Variants in WDR87 observed in about 807,000 individuals in gnomAD.
WDR87 encodes WD repeat domain 87.
WDR87 carries 56 observed loss-of-function variants against 83.3 expected under a neutral mutation model. That is an observed-to-expected ratio of 0.67 (90% confidence interval 0.54 to 0.84). The LOEUF is 0.84. Ranked by LOEUF, WDR87 falls within the 40% of genes least tolerant of loss-of-function variation. The pLI, the probability that WDR87 is intolerant of heterozygous loss-of-function variation, is 0.00. For synonymous variants in WDR87, 1,173 were observed against 1,250.6 expected, an observed-to-expected ratio of 0.94 and a Z score of 1.31; for missense variants, 2,939 against 3,431.9, an observed-to-expected ratio of 0.86 and a Z score of 3.59.
chr19:37,906,661 G>C (rs577849562), upstream of WDR87: 1 of 152,060 alleles, frequency 6.6e-6, no homozygotes, highest in Admixed American at 6.5e-5. Context: ...CCCGAGGCCA[G>C]GGGTCTGAAC....
At chr19:37,900,473 A>G (rs1186018669) in intron 1 of WDR87, among the ~76,000 whole-genome samples, 1 of 147,616 alleles carries the variant, frequency 6.8e-6, no homozygotes, top group Non-Finnish European at 1.5e-5. Context: ...AGGCAGGAGA[A>G]TCGCTTCAAC....
Position 37,892,883 on chromosome 19 carries a change from A to G in WDR87, c.2820T>C (p.Cys940=), listed in dbSNP as rs1179575334. The change falls in exon 4 of 6, where the codon TGT becomes TGC. Residue 940 remains cysteine (C), a synonymous_variant. Coordinates refer to ENST00000447313, the MANE Select transcript of WDR87 (RefSeq NM_001291088.2). ...CAAAGATTTGCCCTAGTGCACCAAC[A>G]CAGCACTGGTACTTCAGCAAGGAAG... ...VHASLLKYQC[C]VGALGQIFAS... 2 of 1,552,034 alleles carry G rather than the reference A, an allele frequency of 1.3e-6. No individual in the cohort carries two copies. The highest frequency in any genetic ancestry group is 3.9e-5 in the Admixed American group (2 of 51,022).
intron 1 of WDR87, among the ~76,000 whole-genome samples, chr19:37,901,868 C>T (rs2046295685): frequency 6.6e-6 from 1 of 151,772 alleles, no homozygotes; most frequent in African/African-American, 2.4e-5. Flanking sequence ...CACACACCCC[C>T]ATGCCTGGCT....
At chr19:37,898,066 C>A in intron 2 of WDR87, 99 bp downstream of exon 2, 1 of 1,417,134 alleles carries the variant, frequency 7.1e-7, no homozygotes, top group Non-Finnish European at 9.6e-7. Context: ...TGTTTGCTTC[C>A]TGTTCTCAAG....
chr19:37,887,553 C>G lies in WDR87; in HGVS notation c.6118G>C (p.Val2040Leu). 6.4e-7 allele frequency: 1 copy of G among 1,551,832 alleles called. No individual in the cohort carries two copies. The highest frequency in any genetic ancestry group is 8.7e-7 in the Non-Finnish European group (1 of 1,147,012). The change falls in exon 6 of 6, where the codon GTT (valine) becomes CTT (leucine). Residue 2040 changes from valine to leucine, a missense_variant. Physicochemically the swap from Val to Leu is conservative, Grantham distance 32 (BLOSUM62 1). Coordinates refer to ENST00000447313, the MANE Select transcript of WDR87 (RefSeq NM_001291088.2). ...TTTCTCTCAAATAGTTCTTGTTCAA[C>G]TTGAGTCATTTTCCTTTGTCTAGAA... The part of the protein sequence containing the change: ...ETSRQRKMTQ[V>L]EQELFERKLS...
In WDR87 at chr19:37,890,181, C is replaced by G. The variant is rs1397226469; in HGVS notation, c.3490G>C (p.Glu1164Gln). ...TCCTCCATCTCAATTGGTGCGGCCTCAGTCCCACTTTCATCCTCTAAGAGG... is the reference window on the plus strand; with the variant it reads ...TCCTCCATCTCAATTGGTGCGGCCTGAGTCCCACTTTCATCCTCTAAGAGG... ...PGLLEDESGT[E>Q]AAPIEMEEAS... Residue 1164 changes from glutamate (E) to glutamine (Q), a missense_variant, in exon 6 of 6, where the codon GAG becomes CAG. Transcript: ENST00000447313. 1.3e-6 allele frequency: 2 copies of G among 1,551,810 alleles called. No individual in the cohort carries two copies. The highest frequency in any genetic ancestry group is 1.7e-6 in the Non-Finnish European group (2 of 1,147,028).
At position 37,886,015 on chromosome 19, in the gene WDR87, A is replaced by G; in HGVS notation, c.7656T>C (p.Ala2552=). 1 of 1,551,834 alleles carries G rather than the reference A, an allele frequency of 6.4e-7. No homozygotes were observed. Among genetic ancestry groups the G allele is most frequent in the Non-Finnish European group, 8.7e-7 (1 of 1,147,022 alleles). ...GGCTTACGTCTGCATGTTGTTCCTT[A>G]GCTGGGATTTGGGAGAGAGGTAACT... The part of the protein sequence containing the change: ...EVQLPLSQIP[A]KEQHADVSLS... The change falls in exon 6 of 6, where the codon GCT becomes GCC. Residue 2552 remains alanine (A), a synonymous_variant. Coordinates refer to ENST00000447313, the MANE Select transcript of WDR87 (RefSeq NM_001291088.2).
rs1319182613 is a variant in WDR87 at position 37,895,319 on chromosome 19, C to T, written c.384G>A (p.Leu128=). 6.4e-7 allele frequency: 1 copy of T among 1,551,718 alleles called. No individual in the cohort carries two copies. The highest frequency in any genetic ancestry group is 8.7e-7 in the Non-Finnish European group (1 of 1,146,998). The change falls in exon 4 of 6, where the codon CTG becomes CTA. Residue 128 remains leucine, a synonymous_variant. Transcript: ENST00000447313. The part of the protein sequence containing the change: ...FHILVVYCGD[L]ILRLFGDHFR... ...AGTGGTCCCCAAAGAGTCGCAGGAT[C>T]AGGTCACCACAGTAGACCACGAGGA...
At chr19:37,897,709 C>T (rs2046266983) in intron 2 of WDR87, among the ~76,000 whole-genome samples, 1 of 151,822 alleles carries the variant, frequency 6.6e-6, no homozygotes, top group Non-Finnish European at 1.5e-5. Flanking sequence ...CATGGTGAAA[C>T]CCCATCTCTA....
rs1355371718 is a variant in WDR87 at position 37,889,427 on chromosome 19, A to G, written c.4244T>C (p.Leu1415Ser). Residue 1415 changes from leucine to serine, a missense_variant, in exon 6 of 6, where the codon TTA becomes TCA. Around this residue, in one of 3 missense-constraint regions of WDR87, gnomAD observed 2,160 missense variants for 2,533.1 expected, o/e 0.85. Transcript: ENST00000447313. ...TCCCATGGTTACATTACCTGGTTCT[A>G]AAAAAATAACTTTCTTGCCCTTTTT... is the stretch of plus-strand genomic sequence containing the variant. ...ILKKGKKVIF[L>S]EPGNVTMGKE... is the part of the protein sequence containing the mutation. 10 of 1,551,604 alleles carry G rather than the reference A, an allele frequency of 6.4e-6. No individual in the cohort carries two copies. Among genetic ancestry groups the G allele is most frequent in the African/African-American group, 1.4e-5 (1 of 72,968 alleles).
chr19:37,887,445 C>G lies in WDR87; in HGVS notation c.6226G>C (p.Glu2076Gln). 2 of 1,551,578 alleles carry G rather than the reference C, an allele frequency of 1.3e-6. No homozygotes were observed. The highest frequency in any genetic ancestry group is 2.4e-5 in the South Asian group (2 of 84,034). The part of the protein sequence containing the change: ...EESEIAKGKL[E>Q]FTRGQRIFVQ... ...AATATTCTCTGTCCTCTAGTAAATTCCAGTTTTCCTTTGGCAATTTCGCTT... is the reference window on the plus strand; with the variant it reads ...AATATTCTCTGTCCTCTAGTAAATTGCAGTTTTCCTTTGGCAATTTCGCTT... Residue 2076 changes from glutamate (E) to glutamine (Q), a missense_variant, in exon 6 of 6, where the codon GAA becomes CAA. By Grantham distance (29) the Glu-to-Gln change is conservative. Coordinates refer to ENST00000447313, the MANE Select transcript of WDR87 (RefSeq NM_001291088.2).
chr19:37,896,744 A>G (rs1343337202), intron 2 of WDR87, among the ~76,000 whole-genome samples: 1 of 152,030 alleles, frequency 6.6e-6, no homozygotes, highest in Non-Finnish European at 1.5e-5. Context: ...TCAGCCTCTC[A>G]AGTAGCTGGG....
Position 37,888,879 on chromosome 19 carries a change from G to A in WDR87, c.4792C>T (p.Gln1598Ter). 6.4e-7 allele frequency: 1 copy of A among 1,551,874 alleles called. No homozygotes were observed. Among genetic ancestry groups the A allele is most frequent in the Non-Finnish European group, 8.7e-7 (1 of 1,147,046 alleles). The stretch of plus-strand genomic sequence containing the variant: ...TGTCTCTGCTCTTCTGTGACCTGCT[G>A]TTCTTTTTCTTCCCCCTCCCGAGAC... ...EVSREGEEKE[Q>*]QVTEEQRHIQ... Residue 1598 changes from glutamine to a stop codon, truncating the protein, a stop_gained, in exon 6 of 6, where the codon CAG becomes TAG. Transcript: ENST00000447313. LOFTEE classifies it low-confidence loss of function (END_TRUNC).
Position 37,888,040 on chromosome 19 carries a change from ATTC to A in WDR87, c.5628_5630del (p.Lys1876del), listed in dbSNP as rs1364344654. On this transcript the variant is annotated inframe_deletion, in exon 6 of 6. Transcript: ENST00000447313. The stretch of plus-strand genomic sequence containing the variant: ...CCAGATTCTTCTTTTCCTGAGCCAG[ATTC>A]TTCTTCTGGTACAGTATCATCTTGT... 3.9e-6 allele frequency: 6 copies of A among 1,551,130 alleles called. No homozygotes were observed. The African/African-American group carries it at 6.9e-5, about 18-fold the overall frequency.
In WDR87 at chr19:37,893,698, G is replaced by A. The variant is rs2145430872; in HGVS notation, c.2005C>T (p.Leu669Phe). ...GDLLVTFNQSLYLVSCLKLLP... is the reference protein window; with the variant it reads ...GDLLVTFNQSFYLVSCLKLLP... Reference sequence around the variant, plus strand: ...AATTTTAAACAGGACACTAGGTAAAGACTCTGGTTAAAAGTCACAAGCAGG... The same window carrying A: ...AATTTTAAACAGGACACTAGGTAAAAACTCTGGTTAAAAGTCACAAGCAGG... The change falls in exon 4 of 6, where the codon CTT becomes TTT. Residue 669 changes from leucine (L) to phenylalanine (F), a missense_variant. By Grantham distance (22) the Leu-to-Phe change is conservative. Coordinates refer to ENST00000447313, the MANE Select transcript of WDR87 (RefSeq NM_001291088.2). The A allele has an allele frequency of 6.4e-7, 1 of 1,551,914 alleles. No individual in the cohort carries two copies. Among genetic ancestry groups the A allele is most frequent in the South Asian group, 1.2e-5 (1 of 84,064 alleles).
rs200126907 is a variant in WDR87, at chr19:37,893,149, C to T, written c.2554G>A (p.Glu852Lys). The part of the protein sequence containing the change: ...LQCNLHAPQR[E>K]LEWDRSQEFF... ...TCTTGAGACCTGTCCCATTCCAGCT[C>T]CCGCTGGGGTGCATGCAGGTTGCAC... Residue 852 changes from glutamate (E) to lysine (K), a missense_variant, in exon 4 of 6, where the codon GAG becomes AAG. Physicochemically the swap from Glu to Lys is moderately conservative, Grantham distance 56. Transcript: ENST00000447313. The T allele has an allele frequency of 5.8e-5, 90 of 1,551,800 alleles. No individual in the cohort carries two copies. The highest frequency in any genetic ancestry group is 2.4e-5 in the South Asian group (2 of 84,062).
Position 37,888,572 on chromosome 19 carries a change from T to C in WDR87, c.5099A>G (p.Lys1700Arg). ...CCATTTCTTGGCCAGTTTCTTCCTT[T>C]TCTGGGCCAATTTCTCCGCCTCCTG... ...LSQEAEKLAQ[K>R]RKKLAKKWEK... The change falls in exon 6 of 6, where the codon AAA becomes AGA. Residue 1700 changes from lysine (K) to arginine (R), a missense_variant. Transcript: ENST00000447313. The C allele has an allele frequency of 6.4e-7, 1 of 1,551,892 alleles. No individual in the cohort carries two copies. Among genetic ancestry groups the C allele is most frequent in the Non-Finnish European group, 8.7e-7 (1 of 1,147,030 alleles).
rs1053213618 is a variant in WDR87, at chr19:37,889,837, G to A, written c.3834C>T (p.Gly1278=). The A allele has an allele frequency of 1.3e-6, 2 of 1,551,618 alleles. No homozygotes were observed. Among genetic ancestry groups the A allele is most frequent in the African/African-American group, 2.7e-5 (2 of 73,052 alleles). The change falls in exon 6 of 6, where the codon GGC becomes GGT. Residue 1278 remains glycine (G), a synonymous_variant. Coordinates refer to ENST00000447313, the MANE Select transcript of WDR87 (RefSeq NM_001291088.2). The part of the protein sequence containing the change: ...ISGRRSTAGD[G]SSWRDDLCRL... ...GACATAGATCGTCCCTCCATGATGA[G>A]CCATCTCCAGCGGTTGACCTGCGGC...
Position 37,894,554 on chromosome 19 carries a change from G to T in WDR87, c.1149C>A (p.Thr383=). The T allele has an allele frequency of 1.3e-6, 2 of 1,551,678 alleles. No homozygotes were observed. The highest frequency in any genetic ancestry group is 1.7e-6 in the Non-Finnish European group (2 of 1,147,000). Residue 383 remains threonine (T), a synonymous_variant, in exon 4 of 6, where the codon ACC becomes ACA. Coordinates refer to ENST00000447313, the MANE Select transcript of WDR87 (RefSeq NM_001291088.2). ...CGNNWFRILC[T]TEDGLLRFVS... is the part of the protein sequence containing the mutation. ...CAAAGCGCAACAAGCCATCCTCAGT[G>T]GTACACAGGATCCGGAACCAGTTAT...
Sources: gnomAD v4.1 joint callset for allele counts (sites outside exome capture counted in the v4.1 genomes callset) on GRCh38, gnomAD v4.1.1 for gene constraint, gnomAD v4.1.1 regional missense constraint, MANE v1.5 for transcripts, NCBI Gene and HGNC (gene_info 2026-07-23, HGNC 2026-07-21) for gene names.